Variants in ARHGAP12 observed in about 807,000 individuals in gnomAD.
The protein encoded by ARHGAP12 is rho GTPase-activating protein 12.
ARHGAP12 carries 64 observed loss-of-function variants against 108.6 expected under a neutral mutation model. That is an observed-to-expected ratio of 0.59 (90% CI 0.48 to 0.73). The LOEUF (loss-of-function observed/expected upper bound fraction) is 0.73. ARHGAP12 is among the 30% of genes least tolerant of loss of function. The probability of loss-of-function intolerance (pLI) is 0.00; values close to 1 mark genes in which losing one functional copy is unlikely to be tolerated. For synonymous variants in ARHGAP12, 312 were observed against 337.2 expected, an observed-to-expected ratio of 0.93 and a Z score of 0.82; for missense variants, 940 against 1,005.9, an observed-to-expected ratio of 0.93 and a Z score of 0.89.
chr10:31,898,102 CAA>C (rs796611514), intron 3 of ARHGAP12, among the ~76,000 whole-genome samples: 70 of 152,194 alleles, frequency 4.6e-4, no homozygotes, highest in African/African-American at 1.5e-3. Flanking sequence ...CCATCCTGGG[CAA>C]GAGAGCAAAA....
intron 3 of ARHGAP12, among the ~76,000 whole-genome samples, chr10:31,899,464 A>G (rs906949739): frequency 1.3e-5 from 2 of 152,208 alleles, no homozygotes; most frequent in Admixed American, 1.3e-4. Flanking sequence ...AGGAAGACAC[A>G]TATTAGTTAC....
intron 3 of ARHGAP12, among the ~76,000 whole-genome samples, chr10:31,881,547 A>C (rs1837958639): frequency 6.6e-6 from 1 of 152,198 alleles, no homozygotes; most frequent in African/African-American, 2.4e-5. Context: ...CAACAACAGA[A>C]ACAATAAACT....
chr10:31,919,054 A>G (rs1035291835), intron 1 of ARHGAP12, among the ~76,000 whole-genome samples: 1 of 152,270 alleles, frequency 6.6e-6, no homozygotes, highest in African/African-American at 2.4e-5. Flanking sequence ...CTTAAAAAGG[A>G]AGGAAATTCT....
chr10:31,865,871 C>T (rs1837304883), intron 3 of ARHGAP12, among the ~76,000 whole-genome samples: 2 of 131,884 alleles, frequency 1.5e-5, no homozygotes, highest in Admixed American at 1.6e-4. Context: ...GAGCAAGACT[C>T]CGTCTCAAAA....
At chr10:31,872,674 T>G (rs778089173) in intron 3 of ARHGAP12, among the ~76,000 whole-genome samples, 1 of 152,142 alleles carries the variant, frequency 6.6e-6, no homozygotes, top group Non-Finnish European at 1.5e-5. Flanking sequence ...ATACCACTAG[T>G]TTCTCTAAAA....
At chr10:31,842,456 G>C (rs1391104729) in intron 7 of ARHGAP12, among the ~76,000 whole-genome samples, 1 of 151,982 alleles carries the variant, frequency 6.6e-6, no homozygotes, top group Admixed American at 6.6e-5. Context: ...TTACAAACTA[G>C]AAACTAGAAA....
In ARHGAP12 at chr10:31,839,688, G is replaced by A; in HGVS notation, c.1320C>T (p.Pro440=). The change falls in exon 8 of 20, where the codon CCC becomes CCT. Residue 440 remains proline (P), a synonymous_variant. Transcript: ENST00000344936. ...GAGAAGACTCATTTTCAGGAAAGCA[G>A]GGTTTTGAGGCAGTTGGAGATTCCT... The part of the protein sequence containing the change: ...NDKESPTASK[P]CFPENESSPS... 1 of 1,607,554 alleles carries A rather than the reference G, an allele frequency of 6.2e-7. No homozygotes were observed. Among genetic ancestry groups the A allele is most frequent in the Non-Finnish European group, 8.5e-7 (1 of 1,175,786 alleles).
intron 4 of ARHGAP12, among the ~76,000 whole-genome samples, chr10:31,856,371 T>C (rs925763667): frequency 4.6e-5 from 7 of 151,960 alleles, no homozygotes; most frequent in African/African-American, 1.7e-4. Flanking sequence ...GAACTCAGGA[T>C]TACCAAAAGC....
intron 6 of ARHGAP12, among the ~76,000 whole-genome samples, chr10:31,843,795 A>C (rs1836353379): frequency 6.6e-6 from 1 of 152,170 alleles, no homozygotes; most frequent in Non-Finnish European, 1.5e-5. Context: ...TGTTACACAG[A>C]CCAAGGTAGT....
At chr10:31,810,795 G>A (rs767993492) in intron 15 of ARHGAP12, 48 bp from the exon 16 acceptor site, 3 of 1,434,192 alleles carry the variant, frequency 2.1e-6, no homozygotes, top group Non-Finnish European at 2.9e-6. Flanking sequence ...CTGAAATTCA[G>A]TTCATGAAAT....
chr10:31,881,032 C>T (rs1202816005), intron 3 of ARHGAP12, among the ~76,000 whole-genome samples: 3 of 151,798 alleles, frequency 2.0e-5, no homozygotes, highest in African/African-American at 7.3e-5. Context: ...GACCTCAATT[C>T]CCCCCACCTT....
rs1834829593 is a variant in ARHGAP12 at position 31,806,561 on chromosome 10, A to T, written c.*1097T>A. The stretch of plus-strand genomic sequence containing the variant: ...TACTGGAATTAGAATTCTGTAATAA[A>T]TTTTTTCTAATGTTTTCTGTACATA... On this transcript the variant is annotated 3_prime_UTR_variant, in exon 20 of 20. Coordinates refer to ENST00000344936, the MANE Select transcript of ARHGAP12 (RefSeq NM_018287.7). 6.6e-6 allele frequency: 1 copy of T among 152,482 alleles called. No homozygotes were observed. Among genetic ancestry groups the T allele is most frequent in the South Asian group, 2.1e-4 (1 of 4,830 alleles). The allele number at this position is 152,482 out of a possible 1,614,324, so 9.4% of individuals were successfully genotyped here. A position where few individuals can be genotyped will look rare whatever the true frequency, so the allele number is the denominator to read the frequency against.
At chr10:31,813,143 TATC>T (rs1167713895) in intron 14 of ARHGAP12, among the ~76,000 whole-genome samples, 5 of 152,140 alleles carry the variant, frequency 3.3e-5, no homozygotes, top group African/African-American at 1.2e-4. Context: ...ATTAACTACT[TATC>T]TTTATTGATT....
chr10:31,877,481 CCTT>C (rs1187747773), intron 3 of ARHGAP12, among the ~76,000 whole-genome samples: 7 of 152,328 alleles, frequency 4.6e-5, no homozygotes, highest in Middle Eastern at 6.8e-3. Context: ...AGATCACACT[CCTT>C]CTCACTTGAT....
chr10:31,877,544 T>A (rs1284537752), intron 3 of ARHGAP12, among the ~76,000 whole-genome samples: 1 of 152,176 alleles, frequency 6.6e-6, no homozygotes, highest in East Asian at 1.9e-4. Flanking sequence ...GATAAACAGA[T>A]TATTTTTCTC....
intron 3 of ARHGAP12, among the ~76,000 whole-genome samples, chr10:31,877,499 T>C (rs1837776236): frequency 6.6e-6 from 1 of 152,222 alleles, no homozygotes; most frequent in Non-Finnish European, 1.5e-5. Context: ...CTTGATTGTG[T>C]ATAAAGAACA....
At chr10:31,889,483 TGAAG>T (rs1242639689) in intron 3 of ARHGAP12, among the ~76,000 whole-genome samples, 2 of 152,130 alleles carry the variant, frequency 1.3e-5, no homozygotes, top group Admixed American at 1.3e-4. Flanking sequence ...CTCAAATAAA[TGAAG>T]GTATTACTTT....
At chr10:31,894,122 C>A (rs1838574806) in intron 3 of ARHGAP12, among the ~76,000 whole-genome samples, 1 of 152,216 alleles carries the variant, frequency 6.6e-6, no homozygotes, top group Non-Finnish European at 1.5e-5. Context: ...CTATCTATGA[C>A]AAACCCACAG....
chr10:31,872,336 A>G (rs1000651790), intron 3 of ARHGAP12, among the ~76,000 whole-genome samples: 2 of 152,148 alleles, frequency 1.3e-5, no homozygotes, highest in African/African-American at 2.4e-5. Context: ...ATGTATTCTG[A>G]AAGACCTACC....
Sources: gnomAD v4.1 joint callset for allele counts (sites outside exome capture counted in the v4.1 genomes callset) on GRCh38, gnomAD v4.1.1 for gene constraint, MANE v1.5 for transcripts, NCBI Gene and HGNC (gene_info 2026-07-23, HGNC 2026-07-21) for gene names.